Variants in MYOCD observed in about 807,000 individuals in gnomAD.
MYOCD encodes myocardin.
In MYOCD, 32 loss-of-function variants were observed where a neutral mutation model predicts 96.1. The observed-to-expected ratio is 0.33, with a 90% CI of 0.25 to 0.45. The LOEUF (loss-of-function observed/expected upper bound fraction) is 0.45. MYOCD is among the 20% of genes least tolerant of loss of function. The pLI, the probability that MYOCD is intolerant of heterozygous loss-of-function variation, is 1.00. For missense variants in MYOCD, 1,133 were observed against 1,200.6 expected (o/e 0.94, Z 0.83); for synonymous variants, 469 against 469.0 (o/e 1.00, Z 0.00).
chr17:12,707,057 A>G (rs996735460), intron 2 of MYOCD, among the ~76,000 whole-genome samples: 2 of 152,204 alleles, frequency 1.3e-5, no homozygotes, highest in African/African-American at 4.8e-5. Context: ...CCCTGCCTGT[A>G]CAGACCTTTT....
chr17:12,739,074 G>A, intron 6 of MYOCD, 129 bp from the exon 7 acceptor site: 1 of 1,039,688 alleles, frequency 9.6e-7, no homozygotes, highest in Non-Finnish European at 1.4e-6. Context: ...CACTGAGGGA[G>A]TAGGCTGATA....
intron 7 of MYOCD, 138 bp downstream of exon 7, chr17:12,739,466 A>T (rs1213897728): frequency 5.2e-5 from 51 of 974,706 alleles, no homozygotes; most frequent in Non-Finnish European, 5.6e-6. Context: ...GCTCACTAGG[A>T]GGGTCACAAA....
intron 1 of MYOCD, among the ~76,000 whole-genome samples, chr17:12,680,963 GCTAA>G (rs1216450006): frequency 1.1e-4 from 16 of 152,250 alleles, no homozygotes; most frequent in East Asian, 7.8e-4. Flanking sequence ...TGCTGCGTGT[GCTAA>G]CTAATTTAAT....
rs4792277 is a variant in MYOCD, at chr17:12,753,394, G to A, written c.2058+48G>A. On this transcript the variant is annotated intron_variant, in intron 10 of 13. Coordinates refer to ENST00000425538, the MANE Select transcript of MYOCD (RefSeq NM_001146312.3). Reference sequence around the variant, plus strand: ...CTGGTGCACACTTCTTTCTGGAAGTGGGTTACAAATTTTCAACTGCTAAAG... The same window carrying A: ...CTGGTGCACACTTCTTTCTGGAAGTAGGTTACAAATTTTCAACTGCTAAAG... 252,262 of 1,488,596 alleles carry A rather than the reference G, an allele frequency of 0.17. 24,255 individuals are homozygous for A. The highest frequency in any genetic ancestry group is 0.36 in the African/African-American group (25,787 of 71,066). 92.2% of individuals were successfully genotyped at this position (1,488,596 alleles called of 1,614,324 possible).
chr17:12,729,404 GAAGT>G lies in MYOCD; in HGVS notation c.415+6400_415+6403del, dbSNP rs1410288356. Among the ~76,000 whole-genome samples the G allele has an allele frequency of 2.6e-5, 4 of 152,156 alleles. No individual in the cohort carries two copies. In the East Asian group the frequency reaches 7.8e-4, roughly 30 times the overall value. On this transcript the variant is annotated intron_variant, in intron 5 of 13. Coordinates refer to ENST00000425538, the MANE Select transcript of MYOCD (RefSeq NM_001146312.3). ...CTGGAGTCTGCCTCTGCCGCCCTGT[GAAGT>G]AAGGGCTTTGCCTCTGTGGAAGCCA...
At chr17:12,706,418 A>C (rs1330042551) in intron 2 of MYOCD, among the ~76,000 whole-genome samples, 1 of 152,220 alleles carries the variant, frequency 6.6e-6, no homozygotes, top group African/African-American at 2.4e-5. Context: ...CGGATGTCAG[A>C]TCAGGTCAAG....
chr17:12,692,320 G>A (rs1025863556), intron 1 of MYOCD, among the ~76,000 whole-genome samples: 2 of 152,202 alleles, frequency 1.3e-5, no homozygotes, highest in African/African-American at 4.8e-5. Context: ...AAATAGGTGG[G>A]CTTTCTTGTG....
chr17:12,675,510 T>A (rs1909966131), intron 1 of MYOCD, among the ~76,000 whole-genome samples: 1 of 152,244 alleles, frequency 6.6e-6, no homozygotes. Context: ...GTAGAATTAA[T>A]TTTTTAAAAT....
intron 11 of MYOCD, among the ~76,000 whole-genome samples, chr17:12,757,563 C>A (rs1274620366): frequency 6.6e-6 from 1 of 152,168 alleles, no homozygotes; most frequent in Admixed American, 6.5e-5. Flanking sequence ...GTGGCGCGAT[C>A]TCGGCTCACT....
In MYOCD at chr17:12,758,130, A is replaced by G. The variant is rs1183180587; in HGVS notation, c.2248A>G (p.Ile750Val). 19 of 1,614,054 alleles carry G rather than the reference A, an allele frequency of 1.2e-5. No homozygotes were observed. The highest frequency in any genetic ancestry group is 1.5e-5 in the Non-Finnish European group (18 of 1,180,026). Residue 750 changes from isoleucine to valine, a missense_variant, in exon 12 of 14, where the codon ATT becomes GTT. Physicochemically the swap from Ile to Val is conservative, Grantham distance 29 (BLOSUM62 3). Coordinates refer to ENST00000425538, the MANE Select transcript of MYOCD (RefSeq NM_001146312.3). ...SSDKVGPKFSIPSPTFSKSSS... is the reference protein window; with the variant it reads ...SSDKVGPKFSVPSPTFSKSSS... ...TGATAAGGTGGGGCCAAAGTTTTCA[A>G]TTCCATCCCCAACTTTTTCTAAGTC...
At chr17:12,729,928 G>C (rs1047759732) in intron 5 of MYOCD, among the ~76,000 whole-genome samples, 1 of 152,048 alleles carries the variant, frequency 6.6e-6, no homozygotes, top group Non-Finnish European at 1.5e-5. Flanking sequence ...CTAGGATCAG[G>C]TGTATCAAAA....
At chr17:12,708,204 A>T (rs141435672) in intron 2 of MYOCD, among the ~76,000 whole-genome samples, 15 of 152,194 alleles carry the variant, frequency 9.9e-5, no homozygotes, top group Non-Finnish European at 2.1e-4. Context: ...CCCAAAGCCT[A>T]CATCTAATAT....
intron 1 of MYOCD, among the ~76,000 whole-genome samples, chr17:12,686,734 G>C (rs2030139865): frequency 2.0e-5 from 3 of 151,832 alleles, no homozygotes; most frequent in Non-Finnish European, 4.4e-5. Context: ...CAGTGGCCAA[G>C]AGTCCATTGT....
chr17:12,756,599 C>A, intron 11 of MYOCD, 42 bp downstream of exon 11: 1 of 1,506,972 alleles, frequency 6.6e-7, no homozygotes, highest in Non-Finnish European at 8.9e-7. Context: ...ATTCACTTTG[C>A]CTCTTCTCTC....
At chr17:12,760,534 A>T (rs2033140993) in intron 12 of MYOCD, 116 bp from the exon 13 acceptor site, 2 of 823,732 alleles carry the variant, frequency 2.4e-6, no homozygotes, top group South Asian at 3.0e-5. Context: ...CACAATTGGA[A>T]AAAAAAATAC....
intron 1 of MYOCD, among the ~76,000 whole-genome samples, chr17:12,669,725 T>C (rs1025531110): frequency 2.0e-5 from 3 of 152,082 alleles, no homozygotes; most frequent in Non-Finnish European, 2.9e-5. Context: ...TTCACGCCAT[T>C]CTCCTGCCTC....
intron 1 of MYOCD, among the ~76,000 whole-genome samples, chr17:12,683,861 C>T (rs762460304): frequency 9.2e-5 from 14 of 152,108 alleles, no homozygotes; most frequent in South Asian, 2.1e-4. Context: ...AGTGTTTGGA[C>T]GTACAGTAGG....
chr17:12,676,921 C>G (rs549094945), intron 1 of MYOCD, among the ~76,000 whole-genome samples: 1 of 152,226 alleles, frequency 6.6e-6, no homozygotes, highest in African/African-American at 2.4e-5. Context: ...AACAAGAATG[C>G]CTCCTTCATT....
intron 1 of MYOCD, among the ~76,000 whole-genome samples, chr17:12,686,585 C>T (rs185830997): frequency 6.6e-6 from 1 of 152,300 alleles, no homozygotes; most frequent in East Asian, 1.9e-4. Flanking sequence ...TCCATTTAGA[C>T]ACAGGGCTTA....
Sources: gnomAD v4.1 joint callset for allele counts (sites outside exome capture counted in the v4.1 genomes callset) on GRCh38, gnomAD v4.1.1 for gene constraint, MANE v1.5 for transcripts, NCBI Gene and HGNC (gene_info 2026-07-23, HGNC 2026-07-21) for gene names.